Variants in WDR70 observed in about 807,000 individuals in gnomAD.
WDR70 encodes WD repeat-containing protein 70.
In WDR70, 53 loss-of-function variants were observed where a neutral mutation model predicts 88.6. The observed-to-expected ratio is 0.60, with a 90% CI of 0.48 to 0.75. WDR70 has a LOEUF of 0.75. Ranked by LOEUF, WDR70 falls within the 30% of genes least tolerant of loss-of-function variation. The pLI is 0.00. For missense variants in WDR70, 610 were observed against 823.2 expected, an observed-to-expected ratio of 0.74 and a Z score of 3.17; for synonymous variants, 280 against 270.0, an observed-to-expected ratio of 1.04 and a Z score of -0.36.
chr5:37,411,454 A>AG (rs1749521861), intron 5 of WDR70, among the ~76,000 whole-genome samples: 1 of 151,750 alleles, frequency 6.6e-6, no homozygotes, highest in Non-Finnish European at 1.5e-5. Flanking sequence ...GGCCAGATGC[A>AG]GTGGCTCACA....
intron 5 of WDR70, among the ~76,000 whole-genome samples, chr5:37,417,874 G>A (rs1749810623): frequency 6.6e-6 from 1 of 152,138 alleles, no homozygotes; most frequent in South Asian, 2.1e-4. Flanking sequence ...CAGGTATTCA[G>A]CAGTAAACTC....
At chr5:37,603,860 ATC>A (rs1743957789) in intron 9 of WDR70, among the ~76,000 whole-genome samples, 1 of 152,196 alleles carries the variant, frequency 6.6e-6, no homozygotes, top group East Asian at 1.9e-4. Flanking sequence ...TCTTTAGCAT[ATC>A]AAATTCTCTC....
intron 17 of WDR70, among the ~76,000 whole-genome samples, chr5:37,750,533 C>CT (rs1248415555): frequency 6.6e-6 from 1 of 152,088 alleles, no homozygotes; most frequent in African/African-American, 2.4e-5. Context: ...GACCCTGTCT[C>CT]TAAAAAAAGA....
At chr5:37,641,692 C>T (rs975872509) in intron 10 of WDR70, among the ~76,000 whole-genome samples, 2 of 152,134 alleles carry the variant, frequency 1.3e-5, no homozygotes, top group African/African-American at 2.4e-5. Context: ...GCTGGGATTA[C>T]AAGCATGAGT....
intron 9 of WDR70, among the ~76,000 whole-genome samples, chr5:37,519,091 T>C (rs568711803): frequency 5.3e-5 from 8 of 152,350 alleles, no homozygotes; most frequent in African/African-American, 1.9e-4. Context: ...TACTTCTTTC[T>C]ACATAGACAC....
chr5:37,534,985 G>T (rs962015887), intron 9 of WDR70, among the ~76,000 whole-genome samples: 1 of 151,860 alleles, frequency 6.6e-6, no homozygotes, highest in Non-Finnish European at 1.5e-5. Context: ...CAACCCAGTT[G>T]CCTGTTTCAC....
intron 10 of WDR70, among the ~76,000 whole-genome samples, chr5:37,653,252 A>G (rs1185356278): frequency 2.0e-5 from 3 of 152,068 alleles, no homozygotes; most frequent in African/African-American, 2.4e-5. Context: ...TTATTGATTT[A>G]CATATGTTGA....
intron 10 of WDR70, among the ~76,000 whole-genome samples, chr5:37,664,641 AT>A (rs1745788634): frequency 2.6e-5 from 4 of 152,156 alleles, no homozygotes; most frequent in African/African-American, 4.8e-5. Flanking sequence ...GGATATTGCC[AT>A]TTTTTTGTAC....
intron 8 of WDR70, among the ~76,000 whole-genome samples, chr5:37,504,572 A>G (rs1418094696): frequency 6.6e-6 from 1 of 152,232 alleles, no homozygotes; most frequent in South Asian, 2.1e-4. Context: ...GATTATGGAA[A>G]TAGATTATCT....
chr5:37,704,297 G>C (rs989206949), intron 13 of WDR70, among the ~76,000 whole-genome samples: 12 of 152,122 alleles, frequency 7.9e-5, no homozygotes, highest in Non-Finnish European at 1.8e-4. Flanking sequence ...TATTGTAATT[G>C]GTTGTTCCAG....
intron 7 of WDR70, among the ~76,000 whole-genome samples, chr5:37,463,437 C>A (rs1739070885): frequency 1.3e-5 from 2 of 152,080 alleles, no homozygotes; most frequent in Non-Finnish European, 2.9e-5. Flanking sequence ...AAGTGACAGC[C>A]CCAAACAGCT....
At chr5:37,706,737 ACG>A (rs1491378050) in intron 13 of WDR70, among the ~76,000 whole-genome samples, 7 of 55,476 alleles carry the variant, frequency 1.3e-4, no homozygotes, top group East Asian at 8.7e-4. Flanking sequence ...ACACACACAC[ACG>A]CACACAGACT....
intron 8 of WDR70, among the ~76,000 whole-genome samples, chr5:37,486,034 G>A (rs1739857608): frequency 6.6e-6 from 1 of 152,018 alleles, no homozygotes; most frequent in Non-Finnish European, 1.5e-5. Context: ...TATTAAATAA[G>A]CACACATACA....
intron 5 of WDR70, among the ~76,000 whole-genome samples, chr5:37,408,001 C>A (rs568471454): frequency 6.6e-6 from 1 of 152,162 alleles, no homozygotes; most frequent in East Asian, 1.9e-4. Flanking sequence ...AGATAGAAGT[C>A]TTTTCTCTCC....
intron 9 of WDR70, among the ~76,000 whole-genome samples, chr5:37,575,784 G>A (rs1367972199): frequency 6.6e-6 from 1 of 152,156 alleles, no homozygotes; most frequent in Non-Finnish European, 1.5e-5. Flanking sequence ...CCAAACCTGA[G>A]AAGGGGGTTG....
At chr5:37,714,144 G>A (rs1044985751) in intron 13 of WDR70, among the ~76,000 whole-genome samples, 13 of 152,114 alleles carry the variant, frequency 8.5e-5, no homozygotes, top group South Asian at 2.1e-4. Context: ...TGCGTAGTTC[G>A]TCTATACAGG....
chr5:37,503,877 A>G (rs1740476861), intron 8 of WDR70, among the ~76,000 whole-genome samples: 1 of 152,038 alleles, frequency 6.6e-6, no homozygotes, highest in South Asian at 2.1e-4. Context: ...GAATTCAACC[A>G]TTTCCTCTAG....
intron 10 of WDR70, among the ~76,000 whole-genome samples, chr5:37,672,046 T>G (rs894196350): frequency 3.3e-5 from 5 of 152,198 alleles, no homozygotes; most frequent in Admixed American, 3.3e-4. Flanking sequence ...CACAGAAACA[T>G]GTGCTGTATG....
intron 9 of WDR70, among the ~76,000 whole-genome samples, chr5:37,544,128 G>A (rs76401860): frequency 0.01 from 1,578 of 152,214 alleles, 20 homozygotes; most frequent in African/African-American, 0.037. Context: ...CTGCCTATTA[G>A]TGCTGGTTTA....
Sources: allele counts gnomAD v4.1 joint callset (sites outside exome capture counted in the v4.1 genomes callset), GRCh38; gene constraint gnomAD v4.1.1; transcripts MANE v1.5; gene names NCBI Gene and HGNC (gene_info 2026-07-23, HGNC 2026-07-21).